SRRM4: variants seen among roughly 807,000 people sequenced by gnomAD.
SRRM4 encodes serine/arginine repetitive matrix protein 4.
SRRM4 carries 33 observed loss-of-function variants against 68.9 expected under a neutral mutation model. The observed-to-expected ratio is 0.48, with a 90% CI of 0.36 to 0.64. SRRM4 has a LOEUF of 0.64. Among genes scored for constraint, SRRM4 ranks in the 30% least tolerant of loss-of-function variants. SRRM4 has a pLI of 0.00. For synonymous variants in SRRM4, 318 were observed against 318.8 expected, an observed-to-expected ratio of 1.00 and a Z score of 0.03; for missense variants, 817 against 827.1, an observed-to-expected ratio of 0.99 and a Z score of 0.15.
At chr12:118,993,255 G>A (rs950018487) in intron 1 of SRRM4, among the ~76,000 whole-genome samples, 1 of 152,194 alleles carries the variant, frequency 6.6e-6, no homozygotes, top group African/African-American at 2.4e-5. Context: ...AGGCAAGGGT[G>A]GGAATGGTGT....
intron 1 of SRRM4, chr12:119,036,789 A>G (rs1012230527): frequency 6.6e-6 from 1 of 152,390 alleles, no homozygotes; most frequent in Non-Finnish European, 1.5e-5. Flanking sequence ...CGGTACCTCC[A>G]AGTGTTCTGT....
intron 1 of SRRM4, among the ~76,000 whole-genome samples, chr12:119,062,930 T>G (rs879375698): frequency 2.0e-5 from 3 of 152,228 alleles, no homozygotes; most frequent in Non-Finnish European, 2.9e-5. Context: ...GGGGTTACTG[T>G]GTGGACTGAA....
chr12:119,048,899 G>T (rs1180039354), intron 1 of SRRM4, among the ~76,000 whole-genome samples: 2 of 152,172 alleles, frequency 1.3e-5, no homozygotes, highest in African/African-American at 4.8e-5. Context: ...GCTCCAGCCT[G>T]GGCAACAGAG....
intron 1 of SRRM4, among the ~76,000 whole-genome samples, chr12:119,081,133 C>T (rs927069576): frequency 2.0e-5 from 3 of 152,168 alleles, no homozygotes; most frequent in African/African-American, 7.2e-5. Flanking sequence ...AAAACCTCTA[C>T]CCTAATGAAA....
chr12:119,077,742 T>C (rs1308771986), intron 1 of SRRM4, among the ~76,000 whole-genome samples: 1 of 152,210 alleles, frequency 6.6e-6, no homozygotes, highest in Non-Finnish European at 1.5e-5. Flanking sequence ...CTTAGTACCC[T>C]ATCTGGCACA....
chr12:119,040,793 C>G (rs1953663526), intron 1 of SRRM4, among the ~76,000 whole-genome samples: 1 of 152,046 alleles, frequency 6.6e-6, no homozygotes, highest in Admixed American at 6.5e-5. Context: ...CTCTGTTGCC[C>G]AGGCTGGAGT....
Position 119,158,092 on chromosome 12 carries a change from A to T in SRRM4, c.*1294A>T, listed in dbSNP as rs968865565. 1.3e-5 allele frequency: 2 copies of T among 152,582 alleles called. No individual in the cohort carries two copies. Among genetic ancestry groups the T allele is most frequent in the Non-Finnish European group, 2.9e-5 (2 of 68,096 alleles). The allele number at this position is 152,582 out of a possible 1,614,324, so 9.5% of individuals were successfully genotyped here. A position where few individuals can be genotyped will look rare whatever the true frequency, so the allele number is the denominator to read the frequency against. On this transcript the variant is annotated 3_prime_UTR_variant, in exon 13 of 13. Transcript: ENST00000267260. Reference sequence around the variant, plus strand: ...GGGGCTGGGCAGAGAGGGTAAGCTGATCTCCGATCCACAAATACCACCAGC... The same window carrying T: ...GGGGCTGGGCAGAGAGGGTAAGCTGTTCTCCGATCCACAAATACCACCAGC...
At chr12:119,130,940 A>T in intron 8 of SRRM4, 106 bp downstream of exon 8, 1 of 1,180,506 alleles carries the variant, frequency 8.5e-7, no homozygotes, top group East Asian at 2.8e-5. Context: ...TCAATTTCTG[A>T]CAAAATATCC....
intron 1 of SRRM4, among the ~76,000 whole-genome samples, chr12:118,984,052 G>A (rs1227578746): frequency 1.3e-5 from 2 of 152,094 alleles, no homozygotes; most frequent in Non-Finnish European, 2.9e-5. Flanking sequence ...TTCTGTAATA[G>A]GCGTGGCCTC....
intron 2 of SRRM4, among the ~76,000 whole-genome samples, chr12:119,105,865 C>A (rs1448916499): frequency 1.3e-5 from 2 of 152,150 alleles, no homozygotes; most frequent in Non-Finnish European, 1.5e-5. Context: ...GTTGCCATTG[C>A]TTTTGGTGTT....
At chr12:119,120,180 TCTCC>T (rs1484330462) in intron 4 of SRRM4, 66 bp from the exon 5 acceptor site, 2 of 1,063,110 alleles carry the variant, frequency 1.9e-6, no homozygotes, top group African/African-American at 3.2e-5. Context: ...TCTCTCTCTC[TCTCC>T]CTCTCTTTCT....
intron 3 of SRRM4, among the ~76,000 whole-genome samples, chr12:119,115,362 A>G (rs939905763): frequency 2.6e-5 from 4 of 152,306 alleles, no homozygotes; most frequent in African/African-American, 9.6e-5. Context: ...GTAGGCTGCC[A>G]CTAACTAGAC....
intron 7 of SRRM4, among the ~76,000 whole-genome samples, chr12:119,128,247 A>G (rs1344325288): frequency 6.6e-6 from 1 of 152,128 alleles, no homozygotes; most frequent in Non-Finnish European, 1.5e-5. Context: ...ACACCGCAAA[A>G]CACAAAAGTG....
chr12:119,115,749 T>G (rs531168961), intron 3 of SRRM4, among the ~76,000 whole-genome samples: 1 of 152,350 alleles, frequency 6.6e-6, no homozygotes, highest in East Asian at 1.9e-4. Flanking sequence ...ACTAATTGAC[T>G]CGTTCATCCA....
chr12:118,982,683 T>TTTTTATTTTTA (rs1953257421), intron 1 of SRRM4, among the ~76,000 whole-genome samples: 2 of 135,220 alleles, frequency 1.5e-5, no homozygotes, highest in African/African-American at 5.7e-5. Flanking sequence ...TTTTTTGTTT[T>TTTTTATTTTTA]TTTTTTTTTT....
chr12:119,077,522 T>C (rs955380042), intron 1 of SRRM4, among the ~76,000 whole-genome samples: 33 of 152,160 alleles, frequency 2.2e-4, no homozygotes, highest in African/African-American at 7.7e-4. Context: ...ATTAAATTTG[T>C]CATATTAGCT....
At chr12:119,146,688 G>C (rs896275168) in intron 9 of SRRM4, among the ~76,000 whole-genome samples, 1 of 152,080 alleles carries the variant, frequency 6.6e-6, no homozygotes, top group Non-Finnish European at 1.5e-5. Context: ...TGTAATCCCA[G>C]CACTTTGGGA....
intron 1 of SRRM4, among the ~76,000 whole-genome samples, chr12:118,985,515 T>C (rs569345924): frequency 6.6e-6 from 1 of 152,150 alleles, no homozygotes; most frequent in Non-Finnish European, 1.5e-5. Context: ...CATTAGTAAT[T>C]ACCTAGGATG....
intron 1 of SRRM4, among the ~76,000 whole-genome samples, chr12:119,070,171 T>C (rs1369391579): frequency 1.3e-5 from 2 of 150,606 alleles, no homozygotes; most frequent in African/African-American, 4.9e-5. Flanking sequence ...TATAAGCAAA[T>C]GTGTTTGCAG....
Sources: allele counts gnomAD v4.1 joint callset (sites outside exome capture counted in the v4.1 genomes callset), GRCh38; gene constraint gnomAD v4.1.1; transcripts MANE v1.5; gene names NCBI Gene and HGNC (gene_info 2026-07-23, HGNC 2026-07-21).